Variants in CORO1C observed in about 807,000 individuals in gnomAD.
CORO1C encodes coronin 1C.
Under a neutral mutation model 51.2 loss-of-function variants are expected in CORO1C, and 14 were observed. The observed-to-expected ratio is 0.27, with a 90% confidence interval of 0.18 to 0.43. The LOEUF (loss-of-function observed/expected upper bound fraction) is 0.43, where lower values mean the gene tolerates loss of function less well. Among genes scored for constraint, CORO1C ranks in the 20% least tolerant of loss-of-function variants. The pLI is 1.00. For synonymous variants in CORO1C, 181 were observed against 210.5 expected (o/e 0.86, Z 1.21); for missense variants, 417 against 607.8 (o/e 0.69, Z 3.30).
At chr12:108,656,191 C>G (rs1303706150) in intron 6 of CORO1C, among the ~76,000 whole-genome samples, 49 of 150,894 alleles carry the variant, frequency 3.2e-4, no homozygotes, top group African/African-American at 1.1e-3. Flanking sequence ...CGGCAGCCGC[C>G]CCGTCTGAGA....
At chr12:108,701,049 A>G in intron 2 of CORO1C, 75 bp downstream of exon 2, 4 of 1,481,160 alleles carry the variant, frequency 2.7e-6, no homozygotes, top group Non-Finnish European at 3.8e-6. Context: ...TTCTTAGTGA[A>G]CTGTCAATCT....
At chr12:108,684,176 A>G (rs1200610519) in intron 2 of CORO1C, among the ~76,000 whole-genome samples, 1 of 152,228 alleles carries the variant, frequency 6.6e-6, no homozygotes, top group African/African-American at 2.4e-5. Context: ...CTGAAGACGC[A>G]ATAGATGTGT....
At chr12:108,667,548 G>A (rs1300273250) in intron 3 of CORO1C, among the ~76,000 whole-genome samples, 1 of 152,032 alleles carries the variant, frequency 6.6e-6, no homozygotes, top group African/African-American at 2.4e-5. Context: ...TTTCTGTTTG[G>A]ACAACACATT....
At chr12:108,663,913 G>C (rs184452016) in intron 3 of CORO1C, among the ~76,000 whole-genome samples, 8 of 152,096 alleles carry the variant, frequency 5.3e-5, no homozygotes, top group Non-Finnish European at 1.0e-4. Context: ...TCTTAATTGG[G>C]GACATGCCTG....
chr12:108,710,967 C>T (rs905824463), intron 1 of CORO1C, among the ~76,000 whole-genome samples: 7 of 152,150 alleles, frequency 4.6e-5, no homozygotes, highest in African/African-American at 1.4e-4. Context: ...AATTTGTACT[C>T]TTGCAATAAA....
chr12:108,693,426 C>T (rs17040877), intron 2 of CORO1C, among the ~76,000 whole-genome samples: 1 of 152,046 alleles, frequency 6.6e-6, no homozygotes, highest in Admixed American at 6.6e-5. Context: ...ATGATACAAA[C>T]GAAAGACGCC....
At chr12:108,693,091 C>A (rs1409766903) in intron 2 of CORO1C, among the ~76,000 whole-genome samples, 1 of 152,074 alleles carries the variant, frequency 6.6e-6, no homozygotes, top group African/African-American at 2.4e-5. Context: ...AGCCACCGCG[C>A]CCGGCTAAAC....
rs1427668220 is a variant in CORO1C at position 108,655,989 on chromosome 12, G to A, written c.750+1315C>T. On this transcript the variant is annotated intron_variant, in intron 6 of 10. Coordinates refer to ENST00000261401, the MANE Select transcript of CORO1C (RefSeq NM_014325.4). ...GAGATGTGGGGAGCGCCTCTGCTCCGCCGCCCCGTCTGGGATGTGAGGAGC... is the reference window on the plus strand; with the variant it reads ...GAGATGTGGGGAGCGCCTCTGCTCCACCGCCCCGTCTGGGATGTGAGGAGC... 2.0e-4 allele frequency among the ~76,000 whole-genome samples: 30 copies of A among 150,040 alleles called. No individual in the cohort carries two copies. In the South Asian group the frequency reaches 5.5e-3, roughly 28 times the overall value.
chr12:108,688,332 C>T (rs2034372895), intron 2 of CORO1C, among the ~76,000 whole-genome samples: 1 of 152,138 alleles, frequency 6.6e-6, no homozygotes. Context: ...TTAATGTACA[C>T]AAACATGTAC....
In CORO1C at chr12:108,648,803, C is replaced by T. The variant is rs760797929; in HGVS notation, c.1107G>A (p.Glu369=). The stretch of plus-strand genomic sequence containing the variant: ...ACCACTCTTCTGCCTCCAGCGCGGC[C>T]TCTGGCCCCGCTGTGTCAGGATACA... ...DDLYPDTAGP[E]AALEAEEWFE... The change falls in exon 10 of 11, where the codon GAG becomes GAA. Residue 369 remains glutamate (E), a synonymous_variant. Transcript: ENST00000261401. 6 of 1,614,226 alleles carry T rather than the reference C, an allele frequency of 3.7e-6. No individual in the cohort carries two copies. The highest frequency in any genetic ancestry group is 1.7e-5 in the Admixed American group (1 of 60,028).
chr12:108,696,263 C>T (rs1344512), intron 2 of CORO1C: 85,180 of 152,006 alleles, frequency 0.56, 24,689 homozygotes, highest in East Asian at 0.99. Flanking sequence ...AAGAAAGCAA[C>T]TTGGGAAGAC....
At chr12:108,656,450 G>A (rs1186076443) in intron 6 of CORO1C, among the ~76,000 whole-genome samples, 3 of 150,896 alleles carry the variant, frequency 2.0e-5, no homozygotes, top group Non-Finnish European at 1.5e-5. Flanking sequence ...CCTCCACCCG[G>A]CCACCACCCC....
At chr12:108,722,032 A>C (rs571765063) in intron 1 of CORO1C, among the ~76,000 whole-genome samples, 1 of 152,320 alleles carries the variant, frequency 6.6e-6, no homozygotes, top group South Asian at 2.1e-4. Context: ...TCCAGGTATC[A>C]GGACTAGCCT....
chr12:108,730,897 C>T (rs1462012009), intron 1 of CORO1C: 1 of 153,816 alleles, frequency 6.5e-6, no homozygotes, highest in Admixed American at 6.5e-5. Flanking sequence ...CCTCCCGACG[C>T]AGGGCCCAGC....
intron 6 of CORO1C, among the ~76,000 whole-genome samples, chr12:108,655,092 T>A (rs1261445526): frequency 2.1e-5 from 2 of 94,196 alleles, no homozygotes; most frequent in Admixed American, 2.5e-4. Context: ...ATAAAAATCA[T>A]TCCATCAAAA....
intron 2 of CORO1C, among the ~76,000 whole-genome samples, chr12:108,684,867 C>A (rs1028499293): frequency 6.6e-6 from 1 of 151,932 alleles, no homozygotes; most frequent in Admixed American, 6.6e-5. Context: ...ATTAAATTTG[C>A]ATTAAAATTT....
intron 1 of CORO1C, among the ~76,000 whole-genome samples, chr12:108,723,858 C>T (rs142840382): frequency 6.6e-6 from 1 of 152,290 alleles, no homozygotes; most frequent in East Asian, 1.9e-4. Context: ...ATTTTTCTGG[C>T]AAGATGCAAT....
chr12:108,680,465 G>T (rs141619729), intron 2 of CORO1C, among the ~76,000 whole-genome samples: 1 of 152,216 alleles, frequency 6.6e-6, no homozygotes, highest in Non-Finnish European at 1.5e-5. Flanking sequence ...ACAGGAAGGA[G>T]CCACACAGTT....
At chr12:108,724,210 C>G (rs2035536099) in intron 1 of CORO1C, among the ~76,000 whole-genome samples, 1 of 152,266 alleles carries the variant, frequency 6.6e-6, no homozygotes, top group South Asian at 2.1e-4. Context: ...CTGAAGAAAA[C>G]TCCGTGAATA....
Sources: gnomAD v4.1 joint callset for allele counts (sites outside exome capture counted in the v4.1 genomes callset) on GRCh38, gnomAD v4.1.1 for gene constraint, MANE v1.5 for transcripts, NCBI Gene and HGNC (gene_info 2026-07-23, HGNC 2026-07-21) for gene names.